PICALM: variants seen among roughly 807,000 people sequenced by gnomAD.
PICALM encodes the protein phosphatidylinositol binding clathrin assembly protein, also known as phosphatidylinositol-binding clathrin assembly protein.
A neutral mutation model predicts 80.5 loss-of-function variants in PICALM; 40 were observed. The observed-to-expected ratio is 0.50, with a 90% CI of 0.39 to 0.65. The LOEUF is 0.65. PICALM is among the 30% of genes least tolerant of loss of function. The pLI, the probability that PICALM is intolerant of heterozygous loss-of-function variation, is 0.00. For missense variants in PICALM, 676 were observed against 778.9 expected (o/e 0.87, Z 1.57); for synonymous variants, 288 against 260.3 (o/e 1.11, Z -1.02).
intron 4 of PICALM, among the ~76,000 whole-genome samples, chr11:86,016,041 C>T (rs542814125): frequency 6.6e-6 from 1 of 152,330 alleles, no homozygotes; most frequent in South Asian, 2.1e-4. Context: ...TGCCTGTTTC[C>T]GCTCAAGTGC....
chr11:86,003,627 G>A (rs914920589), intron 8 of PICALM, 176 bp from the exon 9 acceptor site: 3 of 403,662 alleles, frequency 7.4e-6, no homozygotes, highest in South Asian at 9.3e-5. Flanking sequence ...TTATACAAAC[G>A]TGACCTAGTT....
chr11:85,987,830 G>C (rs1247132718), intron 13 of PICALM, among the ~76,000 whole-genome samples: 1 of 152,176 alleles, frequency 6.6e-6, no homozygotes, highest in Non-Finnish European at 1.5e-5. Context: ...CAAAGTGCTA[G>C]ATGTTACATA....
intron 4 of PICALM, among the ~76,000 whole-genome samples, chr11:86,017,302 T>C (rs534678609): frequency 1.3e-5 from 2 of 151,786 alleles, no homozygotes; most frequent in Non-Finnish European, 2.9e-5. Flanking sequence ...GATTAAAATA[T>C]AAAACACCTA....
At chr11:85,963,698 A>C (rs1283842900) in intron 19 of PICALM, among the ~76,000 whole-genome samples, 2 of 152,122 alleles carry the variant, frequency 1.3e-5, no homozygotes, top group African/African-American at 4.8e-5. Context: ...ATACGGTAAA[A>C]TGTTACCAAA....
At chr11:85,959,633 CAAAAAAAAAAAA>C (rs1161064257) in intron 19 of PICALM, among the ~76,000 whole-genome samples, 2 of 45,204 alleles carry the variant, frequency 4.4e-5, no homozygotes, top group African/African-American at 2.0e-4. Context: ...AACTCCATCT[CAAAAAAAAAAAA>C]AAAAAAAAAA....
At chr11:86,068,622 G>A (rs774257828) in intron 1 of PICALM, 29 bp downstream of exon 1, 9 of 1,595,510 alleles carry the variant, frequency 5.6e-6, no homozygotes, top group South Asian at 1.1e-5. Context: ...GGGCGCCGGG[G>A]AGCGGGGGCC....
At chr11:85,968,396 G>A (rs1328888541) in intron 19 of PICALM, among the ~76,000 whole-genome samples, 1 of 152,144 alleles carries the variant, frequency 6.6e-6, no homozygotes, top group Non-Finnish European at 1.5e-5. Context: ...TTGCTTCTGG[G>A]AAAATAGGCA....
intron 1 of PICALM, among the ~76,000 whole-genome samples, chr11:86,047,402 T>G (rs1378654407): frequency 6.6e-6 from 1 of 152,232 alleles, no homozygotes; most frequent in Non-Finnish European, 1.5e-5. Flanking sequence ...ATTATTCAAC[T>G]CAAGTTCACA....
At chr11:85,963,517 A>G (rs1324286733) in intron 19 of PICALM, among the ~76,000 whole-genome samples, 2 of 152,258 alleles carry the variant, frequency 1.3e-5, no homozygotes, top group African/African-American at 4.8e-5. Context: ...TCTTCAACAA[A>G]GTGGTCAATT....
upstream of PICALM, chr11:86,069,269 G>T (rs2096487857): frequency 1.2e-5 from 2 of 173,318 alleles, no homozygotes; most frequent in Admixed American, 1.3e-4. Context: ...CCAGGCGGGC[G>T]CAACAGGAGG....
At chr11:85,999,957 A>G (rs1462267579) in intron 11 of PICALM, among the ~76,000 whole-genome samples, 1 of 152,248 alleles carries the variant, frequency 6.6e-6, no homozygotes, top group Non-Finnish European at 1.5e-5. Context: ...TTCTGATGTT[A>G]AAGTTGAGAA....
At chr11:86,036,046 T>C (rs563751411) in intron 1 of PICALM, among the ~76,000 whole-genome samples, 82 of 152,116 alleles carry the variant, frequency 5.4e-4, no homozygotes, top group Middle Eastern at 6.9e-3. Context: ...GCTTCACTTA[T>C]CAAATCTTTG....
At chr11:86,043,056 C>T (rs1015677452) in intron 1 of PICALM, among the ~76,000 whole-genome samples, 8 of 152,132 alleles carry the variant, frequency 5.3e-5, no homozygotes, top group African/African-American at 1.7e-4. Flanking sequence ...TGTCCAGGGT[C>T]CCATTCAGAT....
At chr11:85,975,796 C>T (rs2094260837) in intron 18 of PICALM, among the ~76,000 whole-genome samples, 1 of 151,870 alleles carries the variant, frequency 6.6e-6, no homozygotes, top group African/African-American at 2.4e-5. Flanking sequence ...GGAGTTTCAC[C>T]ATATTGGTCA....
At chr11:86,043,009 T>C (rs1261887085) in intron 1 of PICALM, among the ~76,000 whole-genome samples, 2 of 152,150 alleles carry the variant, frequency 1.3e-5, no homozygotes. Flanking sequence ...TGACCAACCG[T>C]CCTGGTTTTG....
At chr11:85,974,314 CT>C (rs1442699097) in intron 19 of PICALM, 4 of 234,652 alleles carry the variant, frequency 1.7e-5, no homozygotes, top group Admixed American at 9.7e-5. Context: ...TCACAAGCAT[CT>C]CAAGGCCAAC....
chr11:85,985,463 G>A (rs79098552), intron 13 of PICALM, among the ~76,000 whole-genome samples: 3,121 of 152,150 alleles, frequency 0.021, 117 homozygotes, highest in African/African-American at 0.071. Flanking sequence ...CCATAATCAC[G>A]TAACCCTTAA....
intron 13 of PICALM, among the ~76,000 whole-genome samples, chr11:85,984,705 T>TA (rs1488008926): frequency 6.6e-6 from 1 of 152,160 alleles, no homozygotes; most frequent in Non-Finnish European, 1.5e-5. Context: ...TAACAGACCT[T>TA]ATTCTTTCTT....
At chr11:85,983,035 G>A (rs955317836) in intron 14 of PICALM, among the ~76,000 whole-genome samples, 2 of 151,812 alleles carry the variant, frequency 1.3e-5, no homozygotes, top group Non-Finnish European at 2.9e-5. Flanking sequence ...AAAACCTACC[G>A]CAGCAAAAAA....
Sources: gnomAD v4.1 joint callset for allele counts (sites outside exome capture counted in the v4.1 genomes callset) on GRCh38, gnomAD v4.1.1 for gene constraint, MANE v1.5 for transcripts, NCBI Gene and HGNC (gene_info 2026-07-23, HGNC 2026-07-21) for gene names.